The following ZNF99 variants were observed in gnomAD, a reference collection of about 807,000 sequenced individuals.
ZNF99 encodes the protein zinc finger protein ENSP00000375192.
A neutral mutation model predicts 12.8 loss-of-function variants in ZNF99; 8 were observed. That is an observed-to-expected ratio of 0.62 (90% confidence interval 0.37 to 1.13). ZNF99 has a LOEUF of 1.13. Among genes scored for constraint, ZNF99 ranks in the 50% most tolerant of loss-of-function variants. The pLI, the probability that ZNF99 is intolerant of heterozygous loss-of-function variation, is 0.02. For synonymous variants in ZNF99, 318 were observed against 319.0 expected (o/e 1.00, Z 0.03); for missense variants, 1,007 against 1,006.2 (o/e 1.00, Z -0.01).
chr19:22,781,846 A>G (rs1417530350), intron 1 of ZNF99, among the ~76,000 whole-genome samples: 1 of 152,152 alleles, frequency 6.6e-6, no homozygotes, highest in Non-Finnish European at 1.5e-5. Context: ...GAAACCCAGG[A>G]CCAGGGAAAA....
chr19:22,775,916 G>A (rs1412452094), intron 1 of ZNF99, among the ~76,000 whole-genome samples: 1 of 152,112 alleles, frequency 6.6e-6, no homozygotes, highest in Admixed American at 6.5e-5. Context: ...CAGCTTCTCG[G>A]GAGGCTGAGG....
In ZNF99 at chr19:22,758,133, G is replaced by T. The variant is rs753274680; in HGVS notation, c.1776C>A (p.Pro592=). 6.2e-7 allele frequency: 1 copy of T among 1,611,264 alleles called. No homozygotes were observed. Among genetic ancestry groups the T allele is most frequent in the Non-Finnish European group, 8.5e-7 (1 of 1,178,386 alleles). ...RHKAIHTGEK[P]YKCEECGKAF... ...CTTTGCCACATTCTTCACATTTGTA[G>T]GGTTTCTCCCCAGTATGAATTGCTT... Residue 592 remains proline (P), a synonymous_variant, in exon 4 of 4, where the codon CCC becomes CCA. Coordinates refer to ENST00000596209, the MANE Select transcript of ZNF99 (RefSeq NM_001080409.3).
chr19:22,767,509 C>T (rs903505409), intron 3 of ZNF99, among the ~76,000 whole-genome samples: 1 of 151,758 alleles, frequency 6.6e-6, no homozygotes, highest in Non-Finnish European at 1.5e-5. Context: ...AGTACTAGTA[C>T]AAGAAAAAGA....
At chr19:22,779,020 G>A (rs80304070) in intron 1 of ZNF99, among the ~76,000 whole-genome samples, 8 of 108,268 alleles carry the variant, frequency 7.4e-5, no homozygotes, top group South Asian at 3.0e-4. Context: ...AAAAAAAAAA[G>A]AAAGAAAAGA....
rs1316057349 is a variant in ZNF99, at chr19:22,757,948, C to T, written c.1961G>A (p.Cys654Tyr). 1 of 1,613,216 alleles carries T rather than the reference C, an allele frequency of 6.2e-7. No homozygotes were observed. The highest frequency in any genetic ancestry group is 8.5e-7 in the Non-Finnish European group (1 of 1,179,728). The change falls in exon 4 of 4, where the codon TGT (cysteine) becomes TAT (tyrosine). Residue 654 changes from cysteine (C) to tyrosine (Y), a missense_variant. Coordinates refer to ENST00000596209, the MANE Select transcript of ZNF99 (RefSeq NM_001080409.3). ...TGAGGACCACTTAAAAGCTTTACCACATTCTTCACATTTGTAGGGTTTCTC... is the reference window on the plus strand; with the variant it reads ...TGAGGACCACTTAAAAGCTTTACCATATTCTTCACATTTGTAGGGTTTCTC... ...TGEKPYKCEE[C>Y]GKAFKWSSHL... is the part of the protein sequence containing the mutation.
chr19:22,783,783 C>T (rs1447343122), intron 1 of ZNF99, among the ~76,000 whole-genome samples: 1 of 152,160 alleles, frequency 6.6e-6, no homozygotes, highest in Admixed American at 6.5e-5. Flanking sequence ...CCAGAGAGGG[C>T]TCCAGGCCAG....
At position 22,757,409 on chromosome 19, in the gene ZNF99, A is replaced by G; in HGVS notation, c.2500T>C (p.Leu834=). The G allele has an allele frequency of 6.2e-7, 1 of 1,604,134 alleles. No individual in the cohort carries two copies. Among genetic ancestry groups the G allele is most frequent in the Non-Finnish European group, 8.5e-7 (1 of 1,177,600 alleles). Residue 834 remains leucine, a synonymous_variant, in exon 4 of 4, where the codon TTA becomes CTA. Transcript: ENST00000596209. ...KAFQWSSKLT[L]HKVIHMERNP... ...CTCTCCATATGAATTACCTTATGTA[A>G]AGTAAGTTTTGAGGACCACTGAAAA...
At position 22,755,692 on chromosome 19, in the gene ZNF99, T is replaced by A; in HGVS notation, c.*1622A>T. The A allele has an allele frequency of 3.5e-6, 1 of 287,996 alleles. No individual in the cohort carries two copies. Among genetic ancestry groups the A allele is most frequent in the Non-Finnish European group, 7.1e-6 (1 of 140,246 alleles). 17.8% of individuals were successfully genotyped at this position (287,996 alleles called of 1,614,324 possible). A position where few individuals can be genotyped will look rare whatever the true frequency, so the allele number is the denominator to read the frequency against. On this transcript the variant is annotated 3_prime_UTR_variant, in exon 4 of 4. Coordinates refer to ENST00000596209, the MANE Select transcript of ZNF99 (RefSeq NM_001080409.3). ...ACTGGTTAAAAGCTTTGCCCATTCT[T>A]CATATTTGCAGTGTTTGTCTCTACT... is the stretch of plus-strand genomic sequence containing the variant.
At chr19:22,760,817 GA>G (rs1973142608) in intron 3 of ZNF99, among the ~76,000 whole-genome samples, 1 of 147,558 alleles carries the variant, frequency 6.8e-6, no homozygotes, top group Non-Finnish European at 1.5e-5. Context: ...TACAGCAGCA[GA>G]GAATGTAGTA....
In ZNF99 at chr19:22,756,045, T is replaced by C. The variant is rs1973045901; in HGVS notation, c.*1269A>G. 8.4e-7 allele frequency: 1 copy of C among 1,186,980 alleles called. No homozygotes were observed. The highest frequency in any genetic ancestry group is 1.5e-5 in the African/African-American group (1 of 66,454). The allele number at this position is 1,186,980 out of a possible 1,614,324, so 73.5% of individuals were successfully genotyped here. ...CCACATTCTTTACATTTGTGGGGTT[T>C]CTCTCCAGCATGAATTGTTTTCTGC... On this transcript the variant is annotated 3_prime_UTR_variant, in exon 4 of 4. Coordinates refer to ENST00000596209, the MANE Select transcript of ZNF99 (RefSeq NM_001080409.3).
intron 1 of ZNF99, among the ~76,000 whole-genome samples, chr19:22,771,911 T>C (rs1293298496): frequency 2.0e-5 from 3 of 147,362 alleles, no homozygotes; most frequent in African/African-American, 7.6e-5. Flanking sequence ...AGAGACAGGG[T>C]TTCACCATAT....
chr19:22,779,480 G>A (rs1291822566), intron 1 of ZNF99, among the ~76,000 whole-genome samples: 2 of 152,086 alleles, frequency 1.3e-5, no homozygotes, highest in African/African-American at 4.8e-5. Flanking sequence ...AGTCAAGATC[G>A]TGCCACTGCA....
chr19:22,768,476 A>G, intron 2 of ZNF99, 76 bp from the exon 3 acceptor site: 2 of 1,210,448 alleles, frequency 1.7e-6, no homozygotes, highest in Non-Finnish European at 2.3e-6. Context: ...AGAATGTAAT[A>G]GAATATTCTA....
At position 22,759,152 on chromosome 19, in the gene ZNF99, C is replaced by T. The variant is rs760712933; in HGVS notation, c.757G>A (p.Gly253Arg). The change falls in exon 4 of 4, where the codon GGA (glycine) becomes AGA (arginine). Residue 253 changes from glycine (G) to arginine (R), a missense_variant. Physicochemically the swap from Gly to Arg is moderately radical, Grantham distance 125. Coordinates refer to ENST00000596209, the MANE Select transcript of ZNF99 (RefSeq NM_001080409.3). The part of the protein sequence containing the change: ...MFTKCKIIHT[G>R]KKPCKCEECG... ...TCTTCACATTTGCAGGGTTTCTTTC[C>T]AGTATGAATTATCTTACATTTAGTG... The T allele has an allele frequency of 2.5e-6, 4 of 1,607,254 alleles. No individual in the cohort carries two copies. Among genetic ancestry groups the T allele is most frequent in the South Asian group, 1.1e-5 (1 of 90,692 alleles).
chr19:22,783,877 G>C, intron 1 of ZNF99, 137 bp downstream of exon 1: 4 of 1,179,548 alleles, frequency 3.4e-6, no homozygotes, highest in Non-Finnish European at 5.1e-6. Flanking sequence ...GAAGGAGACT[G>C]AGGCCGAGCT....
chr19:22,775,512 G>A (rs1251223924), intron 1 of ZNF99, among the ~76,000 whole-genome samples: 1 of 152,198 alleles, frequency 6.6e-6, no homozygotes, highest in Non-Finnish European at 1.5e-5. Context: ...AAGATTTTAT[G>A]ATGAAATTAC....
intron 1 of ZNF99, among the ~76,000 whole-genome samples, chr19:22,776,228 A>G (rs1973324428): frequency 6.7e-6 from 1 of 149,872 alleles, no homozygotes; most frequent in Non-Finnish European, 1.5e-5. Context: ...GCAGGCGCCT[A>G]TAATTCCATC....
chr19:22,753,871 T>C lies in ZNF99; in HGVS notation c.*3443A>G, dbSNP rs562631662. 5.9e-5 allele frequency: 18 copies of C among 303,312 alleles called. No individual in the cohort carries two copies. In the Admixed American group the frequency reaches 6.5e-4, roughly 11 times the overall value. 18.8% of individuals were successfully genotyped at this position (303,312 alleles called of 1,614,324 possible). The stretch of plus-strand genomic sequence containing the variant: ...TTTTGCCACATTCTTCATAGTTTTC[T>C]CTAGGATAAATTAGCTTATACTCAA... On this transcript the variant is annotated 3_prime_UTR_variant, in exon 4 of 4. Coordinates refer to ENST00000596209, the MANE Select transcript of ZNF99 (RefSeq NM_001080409.3).
chr19:22,759,590 C>T lies in ZNF99; in HGVS notation c.319G>A (p.Gly107Arg). 3 of 1,611,204 alleles carry T rather than the reference C, an allele frequency of 1.9e-6. No homozygotes were observed. The highest frequency in any genetic ancestry group is 2.5e-6 in the Non-Finnish European group (3 of 1,179,104). ...TTTCTTAATCGTAAATTCTTATGTC[C>T]ACATCTTGCATATGTTCTCAATATT... ...EIILRTYARC[G>R]HKNLRLRKDC... The change falls in exon 4 of 4, where the codon GGA becomes AGA. Residue 107 changes from glycine (G) to arginine (R), a missense_variant. Gly to Arg is a moderately radical substitution (Grantham distance 125, BLOSUM62 -2). Coordinates refer to ENST00000596209, the MANE Select transcript of ZNF99 (RefSeq NM_001080409.3).
Sources: allele counts gnomAD v4.1 joint callset (sites outside exome capture counted in the v4.1 genomes callset), GRCh38; gene constraint gnomAD v4.1.1; transcripts MANE v1.5; gene names NCBI Gene and HGNC (gene_info 2026-07-23, HGNC 2026-07-21).